Variants in DYM observed in about 807,000 individuals in gnomAD.
The protein encoded by DYM is dymeclin.
DYM carries 78 observed loss-of-function variants against 93.1 expected under a neutral mutation model. That is an observed-to-expected ratio of 0.84 (90% CI 0.70 to 1.01). The LOEUF is 1.01. DYM is among the 50% of genes least tolerant of loss of function. The probability of loss-of-function intolerance (pLI) is 0.00; values close to 1 mark genes in which losing one functional copy is unlikely to be tolerated. For synonymous variants in DYM, 321 were observed against 319.7 expected (o/e 1.00, Z -0.04); for missense variants, 789 against 845.0 (o/e 0.93, Z 0.82).
At chr18:49,236,394 G>C (rs1024180207) in intron 13 of DYM, among the ~76,000 whole-genome samples, 1 of 151,902 alleles carries the variant, frequency 6.6e-6, no homozygotes, top group African/African-American at 2.4e-5. Flanking sequence ...GCAGGAGAAC[G>C]GTGTGAACCC....
intron 16 of DYM, among the ~76,000 whole-genome samples, chr18:49,115,703 C>T (rs2081865850): frequency 6.6e-6 from 1 of 152,112 alleles, no homozygotes; most frequent in Non-Finnish European, 1.5e-5. Context: ...GGAATATCTC[C>T]TGGAGCTTGA....
chr18:49,080,010 C>T (rs1431041942), intron 17 of DYM, among the ~76,000 whole-genome samples: 7 of 150,162 alleles, frequency 4.7e-5, no homozygotes, highest in Middle Eastern at 3.5e-3. Flanking sequence ...ACCTCCCGGA[C>T]GGGGCGGCTG....
At chr18:49,135,464 A>C (rs1395471056) in intron 15 of DYM, among the ~76,000 whole-genome samples, 1 of 152,192 alleles carries the variant, frequency 6.6e-6, no homozygotes, top group East Asian at 1.9e-4. Context: ...TTTCATTATC[A>C]ACAAAACTAT....
intron 15 of DYM, among the ~76,000 whole-genome samples, chr18:49,141,108 T>C (rs2084436701): frequency 6.6e-6 from 1 of 152,188 alleles, no homozygotes; most frequent in South Asian, 2.1e-4. Flanking sequence ...CTCTGGATTA[T>C]CCCTCTTTCC....
intron 17 of DYM, among the ~76,000 whole-genome samples, chr18:49,050,857 G>C (rs2072349850): frequency 6.6e-6 from 1 of 152,168 alleles, no homozygotes; most frequent in Non-Finnish European, 1.5e-5. Context: ...GTTCTAAGAA[G>C]GCAGGGACCT....
At chr18:49,363,115 C>T in intron 6 of DYM, 46 bp downstream of exon 6, 1 of 1,429,690 alleles carries the variant, frequency 7.0e-7, no homozygotes, top group East Asian at 2.3e-5. Context: ...GATTATCTGC[C>T]ATATACAAAG....
chr18:49,400,309 T>C (rs189271776), intron 2 of DYM, among the ~76,000 whole-genome samples: 1 of 152,254 alleles, frequency 6.6e-6, no homozygotes, highest in Admixed American at 6.5e-5. Context: ...TTTGTCAGAA[T>C]TATCTGGAAA....
At chr18:49,134,862 C>T (rs1431596322) in intron 15 of DYM, among the ~76,000 whole-genome samples, 1 of 152,204 alleles carries the variant, frequency 6.6e-6, no homozygotes, top group African/African-American at 2.4e-5. Flanking sequence ...AATTCCAGGA[C>T]TTTGGGAGGC....
At chr18:49,402,672 CAAG>C (rs2070988834) in intron 2 of DYM, among the ~76,000 whole-genome samples, 1 of 152,100 alleles carries the variant, frequency 6.6e-6, no homozygotes, top group South Asian at 2.1e-4. Context: ...TTTCCAACAG[CAAG>C]AATATGGAAC....
intron 14 of DYM, among the ~76,000 whole-genome samples, chr18:49,168,713 T>G (rs1019973109): frequency 2.6e-5 from 4 of 151,692 alleles, no homozygotes; most frequent in Non-Finnish European, 5.9e-5. Flanking sequence ...AAAAAAAAAA[T>G]TTTTACAATA....
chr18:49,059,670 G>T (rs1221300358), intron 17 of DYM, among the ~76,000 whole-genome samples: 1 of 152,152 alleles, frequency 6.6e-6, no homozygotes, highest in Non-Finnish European at 1.5e-5. Flanking sequence ...TGGTATGAGG[G>T]AGGGGGCTGT....
chr18:49,329,377 A>G (rs2063151680), intron 8 of DYM, among the ~76,000 whole-genome samples: 1 of 152,196 alleles, frequency 6.6e-6, no homozygotes, highest in Admixed American at 6.5e-5. Context: ...TGGCACATAT[A>G]TACATATGTA....
intron 6 of DYM, among the ~76,000 whole-genome samples, chr18:49,348,923 C>T (rs1172867642): frequency 8.7e-5 from 8 of 91,718 alleles, no homozygotes; most frequent in Non-Finnish European, 1.5e-4. Flanking sequence ...AAAAAAAAAA[C>T]CACACCAGAT....
intron 8 of DYM, among the ~76,000 whole-genome samples, chr18:49,308,288 G>GTATATATATATATATATA (rs1340030482): frequency 5.7e-5 from 6 of 105,856 alleles, no homozygotes; most frequent in African/African-American, 1.9e-4. Context: ...ACACTTGTGT[G>GTATATATATATATATATA]TGTATATATA....
At chr18:49,135,162 A>G (rs984701773) in intron 15 of DYM, among the ~76,000 whole-genome samples, 3 of 152,252 alleles carry the variant, frequency 2.0e-5, no homozygotes, top group African/African-American at 7.2e-5. Flanking sequence ...TAAATAAACA[A>G]CATTTTAAAA....
intron 11 of DYM, among the ~76,000 whole-genome samples, chr18:49,263,355 G>A (rs1315443524): frequency 1.3e-5 from 2 of 151,502 alleles, no homozygotes; most frequent in African/African-American, 4.8e-5. Flanking sequence ...CTGACCTCAC[G>A]TGATCTGCCC....
At chr18:49,441,311 A>ATATATTATATAATTATATAT (rs1568455304) in intron 1 of DYM, among the ~76,000 whole-genome samples, 1 of 34,382 alleles carries the variant, frequency 2.9e-5, no homozygotes, top group Non-Finnish European at 4.6e-5. Flanking sequence ...ATATATAATT[A>ATATATTATATAATTATATAT]ATATATAATT....
chr18:49,220,631 C>T (rs1290990148), intron 13 of DYM, among the ~76,000 whole-genome samples: 2 of 152,026 alleles, frequency 1.3e-5, no homozygotes, highest in African/African-American at 4.8e-5. Flanking sequence ...CGTTGACAAA[C>T]CTGAGAAAAA....
chr18:49,217,543 A>C (rs2143868593), intron 13 of DYM, among the ~76,000 whole-genome samples: 1 of 152,360 alleles, frequency 6.6e-6, no homozygotes, highest in African/African-American at 2.4e-5. Flanking sequence ...CCATCAGACT[A>C]ACAGCGGATC....
Sources: gnomAD v4.1 joint callset for allele counts (sites outside exome capture counted in the v4.1 genomes callset) on GRCh38, gnomAD v4.1.1 for gene constraint, MANE v1.5 for transcripts, NCBI Gene and HGNC (gene_info 2026-07-23, HGNC 2026-07-21) for gene names.